The following ZBP1 variants were observed in gnomAD, a reference collection of about 807,000 sequenced individuals.
ZBP1 encodes the protein Z-DNA binding protein 1.
In ZBP1, 42 loss-of-function variants were observed where a neutral mutation model predicts 41.1. That is an observed-to-expected ratio of 1.02 (90% confidence interval 0.80 to 1.32). The LOEUF (loss-of-function observed/expected upper bound fraction) is 1.32. Ranked by LOEUF, ZBP1 falls within the 40% of genes most tolerant of loss-of-function variation. The pLI, the probability that ZBP1 is intolerant of heterozygous loss-of-function variation, is 0.00. For missense variants in ZBP1, 562 were observed against 549.7 expected (o/e 1.02, Z -0.22); for synonymous variants, 214 against 205.2 (o/e 1.04, Z -0.37).
rs1306495809 is a variant in ZBP1 at position 57,613,195 on chromosome 20, A to G, written c.638T>C (p.Ile213Thr). Residue 213 changes from isoleucine to threonine, a missense_variant, in exon 5 of 8, where the codon ATC (isoleucine) becomes ACC (threonine). Coordinates refer to ENST00000371173, the MANE Select transcript of ZBP1 (RefSeq NM_030776.3). This position sits in a 1 kb window ranked among gnomAD's most constrained non-coding sequence, Gnocchi z 4.5. ...CCTGGAGACTGTCTGTCTTGTAATG[A>G]TGTTCCCGTGTCCAATCTGGATGGC... ...SEAIQIGHGN[I>T]ITRQTVSRED... The G allele has an allele frequency of 1.2e-6, 2 of 1,614,072 alleles. No homozygotes were observed. The highest frequency in any genetic ancestry group is 2.2e-5 in the South Asian group (2 of 91,080).
rs1011859065 is a variant in ZBP1 at position 57,613,568 on chromosome 20, C to G, written c.503-238G>C. 2.0e-5 allele frequency among the ~76,000 whole-genome samples: 3 copies of G among 152,156 alleles called. No homozygotes were observed. The highest frequency in any genetic ancestry group is 7.2e-5 in the African/African-American group (3 of 41,426). ...TCACCCTACCTGTGTCTTTTGCTGC[C>G]TCCATGGCTGGGCCGCCATGATTGC... is the stretch of plus-strand genomic sequence containing the variant. On this transcript the variant is annotated intron_variant, in intron 4 of 7. Transcript: ENST00000371173. The surrounding 1 kb of genome is among the most constrained non-coding windows in gnomAD (Gnocchi z 4.5).
Position 57,604,043 on chromosome 20 carries a change from A to ATT in ZBP1, c.*528_*529dup, listed in dbSNP as rs534772085. On this transcript the variant is annotated 3_prime_UTR_variant, in exon 8 of 8. Coordinates refer to ENST00000371173, the MANE Select transcript of ZBP1 (RefSeq NM_030776.3). ...CCACAACGCCCGGCTAATTTTTTGT[A>ATT]TTTTTTTTTTTAGTAGAGACGGGGT... The ATT allele has an allele frequency of 7.3e-4, 131 of 178,674 alleles. No individual in the cohort carries two copies. Among genetic ancestry groups the ATT allele is most frequent in the Non-Finnish European group, 1.1e-3 (96 of 86,346 alleles). The allele number at this position is 178,674 out of a possible 1,614,324, so 11.1% of individuals were successfully genotyped here.
At chr20:57,611,077 C>T (rs2070654480) in intron 6 of ZBP1, among the ~76,000 whole-genome samples, 1 of 152,178 alleles carries the variant, frequency 6.6e-6, no homozygotes, top group Non-Finnish European at 1.5e-5. Flanking sequence ...AGCCACAGCT[C>T]CTAGTACGGC....
Position 57,604,602 on chromosome 20 carries a change from CGTGT to C in ZBP1, c.1257_1260del (p.His420ArgfsTer27). Reference sequence around the variant, plus strand: ...ATCCCACCTCCCCACCAGCTCCCCTCGTGTGAGGCTTCATCCACATAGTGGCTGC... The same window carrying C: ...ATCCCACCTCCCCACCAGCTCCCCTCGAGGCTTCATCCACATAGTGGCTGC... On this transcript the variant is annotated frameshift_variant, in exon 8 of 8. Transcript: ENST00000371173. LOFTEE classifies it low-confidence loss of function (END_TRUNC). The C allele has an allele frequency of 6.2e-7, 1 of 1,614,108 alleles. No homozygotes were observed. Among genetic ancestry groups the C allele is most frequent in the Non-Finnish European group, 8.5e-7 (1 of 1,179,958 alleles).
chr20:57,616,760 G>A, intron 1 of ZBP1: 1 of 462,052 alleles, frequency 2.2e-6, no homozygotes, highest in Admixed American at 3.4e-5. Flanking sequence ...AGGGCAGTGG[G>A]GTTCCTCAGC....
Position 57,604,490 on chromosome 20 carries a change from A to G in ZBP1, c.*83T>C. On this transcript the variant is annotated 3_prime_UTR_variant, in exon 8 of 8. Coordinates refer to ENST00000371173, the MANE Select transcript of ZBP1 (RefSeq NM_030776.3). ...AAGCAAGCAGGTCAAACAAGACGCTAAGGAATGCAGAGAGCAGCAGGCTAG... is the reference window on the plus strand; with the variant it reads ...AAGCAAGCAGGTCAAACAAGACGCTGAGGAATGCAGAGAGCAGCAGGCTAG... 6.5e-7 allele frequency: 1 copy of G among 1,530,626 alleles called. No individual in the cohort carries two copies. Among genetic ancestry groups the G allele is most frequent in the East Asian group, 2.2e-5 (1 of 44,450 alleles). The allele number at this position is 1,530,626 out of a possible 1,614,324, so 94.8% of individuals were successfully genotyped here.
chr20:57,619,483 T>TA (rs1381393187), intron 1 of ZBP1, among the ~76,000 whole-genome samples: 2 of 152,218 alleles, frequency 1.3e-5, no homozygotes, highest in Non-Finnish European at 2.9e-5. Flanking sequence ...GAACAGCAAT[T>TA]ACTCGATACA....
rs143970776 is a variant in ZBP1, at chr20:57,614,420, A to G, written c.502+467T>C. 4.8e-3 allele frequency among the ~76,000 whole-genome samples: 730 copies of G among 152,278 alleles called. 6 individuals carry two copies. The highest frequency in any genetic ancestry group is 0.017 in the African/African-American group (701 of 41,550). On this transcript the variant is annotated intron_variant, in intron 4 of 7. Transcript: ENST00000371173. ...AAAACATTTTCAAGGACCCCTGAGAATGCCATGCACCTATTGGATCTTGGC... is the reference window on the plus strand; with the variant it reads ...AAAACATTTTCAAGGACCCCTGAGAGTGCCATGCACCTATTGGATCTTGGC...
intron 3 of ZBP1, 133 bp downstream of exon 3, chr20:57,615,379 G>T: frequency 1.0e-6 from 1 of 966,146 alleles, no homozygotes; most frequent in Non-Finnish European, 1.6e-6. Context: ...TCTGAACACT[G>T]TATGGGAGCT....
chr20:57,616,456 T>G lies in ZBP1; in HGVS notation c.47A>C (p.Gln16Pro). The G allele has an allele frequency of 6.2e-7, 1 of 1,613,440 alleles. No homozygotes were observed. Among genetic ancestry groups the G allele is most frequent in the Non-Finnish European group, 8.5e-7 (1 of 1,179,904 alleles). Residue 16 changes from glutamine to proline, a missense_variant, in exon 2 of 8, where the codon CAA becomes CCA. Gln to Pro is a moderately conservative substitution (Grantham distance 76). Coordinates refer to ENST00000371173, the MANE Select transcript of ZBP1 (RefSeq NM_030776.3). ...ADPGREGHLE[Q>P]RILQVLTEAG... ...CTCTGTCAGCACCTGCAGGATTCTT[T>G]GTTCAAGGTGGCCTGGGGGAGCGAG...
chr20:57,620,343 C>T lies in ZBP1; in HGVS notation c.-48G>A, dbSNP rs1197202844. 3 of 1,566,382 alleles carry T rather than the reference C, an allele frequency of 1.9e-6. No individual in the cohort carries two copies. The highest frequency in any genetic ancestry group is 2.3e-5 in the South Asian group (2 of 85,182). On this transcript the variant is annotated 5_prime_UTR_variant, in exon 1 of 8. Transcript: ENST00000371173. ...CGGAGAGACTTGGCAGGTGTGCAGG[C>T]TTCTGCACTGTGGCCCTGAGAGGGT...
Position 57,610,168 on chromosome 20 carries a change from C to A in ZBP1, c.1074G>T (p.Gly358=). ...GCTCACCTGCGTCCTCCCCTGGCTC[C>A]CCCTCTCCAGACCCTGCGACTCCTC... ...GPGGVAGSGE[G]EPGEDAGRRP... The change falls in exon 7 of 8, where the codon GGG becomes GGT. Residue 358 remains glycine (G), a synonymous_variant. Transcript: ENST00000371173. This position sits in a 1 kb window ranked among gnomAD's most constrained non-coding sequence, Gnocchi z 5.5. 6.2e-7 allele frequency: 1 copy of A among 1,613,996 alleles called. No individual in the cohort carries two copies. The highest frequency in any genetic ancestry group is 1.3e-5 in the African/African-American group (1 of 75,038).
At position 57,604,692 on chromosome 20, in the gene ZBP1, T is replaced by A; in HGVS notation, c.1171A>T (p.Lys391Ter). Residue 391 changes from lysine (K) to a stop codon, truncating the protein, a stop_gained, in exon 8 of 8, where the codon AAG (lysine) becomes TAG (stop). Coordinates refer to ENST00000371173, the MANE Select transcript of ZBP1 (RefSeq NM_030776.3). LOFTEE classifies it low-confidence loss of function (END_TRUNC). ...ATAGTTTCCAGCTTGGGGGTGAGCT[T>A]CGAGTGGCTGGGAGTGATGGGCTGA... ...IGQPITPSHS[K>*]LTPKLETMTL... 6.2e-7 allele frequency: 1 copy of A among 1,614,122 alleles called. No individual in the cohort carries two copies. The highest frequency in any genetic ancestry group is 1.6e-4 in the Middle Eastern group (1 of 6,062).
rs961997598 is a variant in ZBP1, at chr20:57,613,027, G to A, written c.670+136C>T. The stretch of plus-strand genomic sequence containing the variant: ...CTCAGGACGGCCGTAAAGGTGGACT[G>A]TGGGGGTCTGGAAGCAACCCTTTCC... On this transcript the variant is annotated intron_variant, in intron 5 of 7. Coordinates refer to ENST00000371173, the MANE Select transcript of ZBP1 (RefSeq NM_030776.3). This position sits in a 1 kb window ranked among gnomAD's most constrained non-coding sequence, Gnocchi z 4.5. 1 of 1,514,188 alleles carries A rather than the reference G, an allele frequency of 6.6e-7. No homozygotes were observed. Among genetic ancestry groups the A allele is most frequent in the South Asian group, 1.3e-5 (1 of 78,732 alleles). 93.8% of individuals were successfully genotyped at this position (1,514,188 alleles called of 1,614,324 possible).
intron 7 of ZBP1, among the ~76,000 whole-genome samples, chr20:57,607,638 G>T (rs1475289308): frequency 6.6e-6 from 1 of 152,172 alleles, no homozygotes; most frequent in Non-Finnish European, 1.5e-5. Flanking sequence ...ATGAAAGGAA[G>T]AGTTCATTGC....
Position 57,616,250 on chromosome 20 carries a change from T to A in ZBP1, c.253A>T (p.Ser85Cys), listed in dbSNP as rs1467580492. Residue 85 changes from serine (S) to cysteine (C), a missense_variant, in exon 2 of 8, where the codon AGC becomes TGC. Coordinates refer to ENST00000371173, the MANE Select transcript of ZBP1 (RefSeq NM_030776.3). ...GEGPAELALS[S>C]PAERPQQHAA... ...TCCCCGGGGTGGCAGTTACCAGGGC[T>A]GGACAAGGCCAGCTCTGCAGGACCC... is the stretch of plus-strand genomic sequence containing the variant. The A allele has an allele frequency of 1.2e-6, 2 of 1,614,010 alleles. No homozygotes were observed. Among genetic ancestry groups the A allele is most frequent in the African/African-American group, 1.3e-5 (1 of 75,002 alleles).
Position 57,610,615 on chromosome 20 carries a change from C to T in ZBP1, c.875-248G>A, listed in dbSNP as rs1297373335. The T allele has an allele frequency of 8.8e-6, 5 of 568,142 alleles. No individual in the cohort carries two copies. Among genetic ancestry groups the T allele is most frequent in the African/African-American group, 3.8e-5 (2 of 53,226 alleles). 35.2% of individuals were successfully genotyped at this position (568,142 alleles called of 1,614,324 possible). On this transcript the variant is annotated intron_variant, in intron 6 of 7. Transcript: ENST00000371173. The surrounding 1 kb of genome is among the most constrained non-coding windows in gnomAD (Gnocchi z 5.5). ...GTGGGTCTGCCCCACTGATCCCGCC[C>T]GGCTGATCTGGACGTCAGTGTCTTC...
chr20:57,610,603 A>G lies in ZBP1; in HGVS notation c.875-236T>C. ...ACTGATCCCGCAGTGGGTCTGCCCCACTGATCCCGCCCGGCTGATCTGGAC... is the reference window on the plus strand; with the variant it reads ...ACTGATCCCGCAGTGGGTCTGCCCCGCTGATCCCGCCCGGCTGATCTGGAC... On this transcript the variant is annotated intron_variant, in intron 6 of 7. Transcript: ENST00000371173. This position sits in a 1 kb window ranked among gnomAD's most constrained non-coding sequence, Gnocchi z 5.5. 1.7e-6 allele frequency: 1 copy of G among 580,526 alleles called. No homozygotes were observed. The highest frequency in any genetic ancestry group is 3.1e-6 in the Non-Finnish European group (1 of 324,996). The allele number at this position is 580,526 out of a possible 1,614,324, so 36.0% of individuals were successfully genotyped here.
rs1243017410 is a variant in ZBP1, at chr20:57,615,034, C to T, written c.355G>A (p.Asp119Asn). 1 of 1,614,204 alleles carries T rather than the reference C, an allele frequency of 6.2e-7. No homozygotes were observed. Among genetic ancestry groups the T allele is most frequent in the Admixed American group, 1.7e-5 (1 of 60,024 alleles). The change falls in exon 4 of 8, where the codon GAC becomes AAC. Residue 119 changes from aspartate (D) to asparagine (N), a missense_variant. Asp to Asn is a conservative substitution (Grantham distance 23). Transcript: ENST00000371173. ...REEDIYRFLKDNGPQRALVIA... is the reference protein window; with the variant it reads ...REEDIYRFLKNNGPQRALVIA... ...ACCAGGGCCCTCTGGGGACCATTGT[C>T]TTTGAGAAACCTGTAGATGTCTTCC...
Sources: allele counts gnomAD v4.1 joint callset (sites outside exome capture counted in the v4.1 genomes callset), GRCh38; gene constraint gnomAD v4.1.1; non-coding constraint Gnocchi (gnomAD v3.1); transcripts MANE v1.5; gene names NCBI Gene and HGNC (gene_info 2026-07-23, HGNC 2026-07-21).